NCR2: variants seen among roughly 807,000 people sequenced by gnomAD.
NCR2 encodes NK cell activating receptor (NKp44).
A neutral mutation model predicts 30.7 loss-of-function variants in NCR2; 35 were observed. The observed-to-expected ratio is 1.14, with a 90% confidence interval of 0.87 to 1.51. The LOEUF is 1.51. NCR2 is among the 40% of genes most tolerant of loss of function. The pLI, the probability that NCR2 is intolerant of heterozygous loss-of-function variation, is 0.00. For synonymous variants in NCR2, 146 were observed against 134.8 expected (o/e 1.08, Z -0.58); for missense variants, 316 against 328.9 (o/e 0.96, Z 0.30).
In NCR2 at chr6:41,335,647, C is replaced by T. The variant is rs1297426114; in HGVS notation, c.-230C>T. ...GAGGCCTGGGAAGCTGTGTGCCAGA[C>T]AGCGCCGAGCCCACCAGACCCAGAC... On this transcript the variant is annotated 5_prime_UTR_variant, in exon 1 of 5. Transcript: ENST00000373089. 2 of 566,198 alleles carry T rather than the reference C, an allele frequency of 3.5e-6. No homozygotes were observed. Among genetic ancestry groups the T allele is most frequent in the Admixed American group, 3.0e-5 (1 of 32,810 alleles). 35.1% of individuals were successfully genotyped at this position (566,198 alleles called of 1,614,324 possible).
At chr6:41,337,119 A>G (rs1769051926) in intron 2 of NCR2, among the ~76,000 whole-genome samples, 1 of 152,182 alleles carries the variant, frequency 6.6e-6, no homozygotes, top group African/African-American at 2.4e-5. Flanking sequence ...AGCTACCCAC[A>G]GTTCCTGTGG....
At chr6:41,342,281 G>T in intron 4 of NCR2, 132 bp downstream of exon 4, 1 of 1,262,440 alleles carries the variant, frequency 7.9e-7, no homozygotes. Context: ...CCAAATTAAA[G>T]CCCTCATGGA....
intron 2 of NCR2, among the ~76,000 whole-genome samples, chr6:41,340,301 A>T (rs1308931697): frequency 6.6e-6 from 1 of 152,044 alleles, no homozygotes; most frequent in Non-Finnish European, 1.5e-5. Context: ...AGCTGGGATT[A>T]CAGGCGCCTG....
At chr6:41,337,574 T>C (rs1411779798) in intron 2 of NCR2, among the ~76,000 whole-genome samples, 1 of 152,234 alleles carries the variant, frequency 6.6e-6, no homozygotes, top group African/African-American at 2.4e-5. Context: ...CTGAGAACTA[T>C]TTATGACACC....
rs780251271 is a variant in NCR2, at chr6:41,336,169, G to A, written c.135G>A (p.Thr45=). 1.8e-5 allele frequency: 29 copies of A among 1,614,010 alleles called. No individual in the cohort carries two copies. Among genetic ancestry groups the A allele is most frequent in the East Asian group, 1.8e-4 (8 of 44,882 alleles). Residue 45 remains threonine (T), a synonymous_variant, in exon 2 of 5, where the codon ACG becomes ACA. Transcript: ENST00000373089. ...TLTVRCQYPP[T]GSLYEKKGWC... ...CCGTGAGATGCCAGTACCCGCCCACGGGCAGTCTCTACGAGAAGAAAGGCT... is the reference window on the plus strand; with the variant it reads ...CCGTGAGATGCCAGTACCCGCCCACAGGCAGTCTCTACGAGAAGAAAGGCT...
chr6:41,337,249 A>G (rs1304474195), intron 2 of NCR2, among the ~76,000 whole-genome samples: 1 of 152,252 alleles, frequency 6.6e-6, no homozygotes, highest in Non-Finnish European at 1.5e-5. Flanking sequence ...CCCAACATTT[A>G]TTAAATTTGA....
In NCR2 at chr6:41,349,585, C is replaced by G. The variant is rs150761494; in HGVS notation, c.645-1093C>G. On this transcript the variant is annotated intron_variant, in intron 4 of 4. Transcript: ENST00000373089. ...ATCAATCAAGCTGACATGATGAAGT[C>G]TCTGTAAAAATCACAAAAGTAAGGT... Among the ~76,000 whole-genome samples, 3 of 152,230 alleles carry G rather than the reference C, an allele frequency of 2.0e-5. No individual in the cohort carries two copies. The South Asian group carries it at 6.2e-4, about 32-fold the overall frequency.
chr6:41,336,535 G>A, intron 2 of NCR2, 107 bp downstream of exon 2: 1 of 902,024 alleles, frequency 1.1e-6, no homozygotes, highest in Non-Finnish European at 1.7e-6. Flanking sequence ...CCACGCCCCA[G>A]TCTCCTGGGA....
At position 41,335,994 on chromosome 6, in the gene NCR2, G is replaced by A. The variant is rs554280921; in HGVS notation, c.52+66G>A. On this transcript the variant is annotated intron_variant, in intron 1 of 4. Transcript: ENST00000373089. ...GTGGTGGGGACTGTCAGGACAGCAG[G>A]GTCAGGGAGCAGGTGGCTCTGTGGC... The A allele has an allele frequency of 3.2e-6, 5 of 1,583,976 alleles. No homozygotes were observed. The Admixed American group carries it at 5.3e-5, about 17-fold the overall frequency.
chr6:41,343,083 C>T, intron 4 of NCR2: 1 of 1,397,020 alleles, frequency 7.2e-7, no homozygotes, highest in Non-Finnish European at 9.9e-7. Flanking sequence ...GACTTCTGAC[C>T]TCTGCTGTTA....
chr6:41,348,794 G>T (rs373362765), intron 4 of NCR2, among the ~76,000 whole-genome samples: 1 of 152,128 alleles, frequency 6.6e-6, no homozygotes, highest in East Asian at 1.9e-4. Context: ...AAAAAATGTG[G>T]ATCTCCTGTA....
intron 4 of NCR2, among the ~76,000 whole-genome samples, chr6:41,349,129 A>G (rs1769373186): frequency 6.8e-6 from 1 of 146,636 alleles, no homozygotes. Flanking sequence ...TTTTATTTAT[A>G]TATTTTATAT....
chr6:41,336,058 G>A, intron 1 of NCR2, 29 bp from the exon 2 acceptor site: 1 of 1,604,254 alleles, frequency 6.2e-7, no homozygotes, highest in Non-Finnish European at 8.5e-7. Context: ...GCGTGGCCTT[G>A]ACCTATGCGT....
chr6:41,337,142 TA>T (rs201238959), intron 2 of NCR2, among the ~76,000 whole-genome samples: 16 of 151,082 alleles, frequency 1.1e-4, no homozygotes, highest in South Asian at 2.1e-4. Context: ...GAGGACCTTC[TA>T]AAAAAAAATC....
intron 2 of NCR2, among the ~76,000 whole-genome samples, chr6:41,339,314 G>A (rs949755936): frequency 4.6e-5 from 7 of 151,900 alleles, no homozygotes; most frequent in East Asian, 1.9e-4. Flanking sequence ...CGCCTGACTC[G>A]GCCTCCCAAA....
chr6:41,343,092 T>C (rs923221632), intron 4 of NCR2: 2 of 1,352,602 alleles, frequency 1.5e-6, no homozygotes, highest in Non-Finnish European at 1.0e-6. Context: ...CCTCTGCTGT[T>C]ATCCGCAAAG....
In NCR2 at chr6:41,339,739, G is replaced by T. The variant is rs57168012; in HGVS notation, c.395-2055G>T. 4.9e-3 allele frequency among the ~76,000 whole-genome samples: 749 copies of T among 152,280 alleles called. 5 individuals carry two copies. The highest frequency in any genetic ancestry group is 0.016 in the African/African-American group (667 of 41,556). ...CTGCAAATTTCCCTTTGCCATGGAAGGCAATGTCCTCACAGGTACCTGGGA... is the reference window on the plus strand; with the variant it reads ...CTGCAAATTTCCCTTTGCCATGGAATGCAATGTCCTCACAGGTACCTGGGA... On this transcript the variant is annotated intron_variant, in intron 2 of 4. Coordinates refer to ENST00000373089, the MANE Select transcript of NCR2 (RefSeq NM_004828.4).
At position 41,341,904 on chromosome 6, in the gene NCR2, C is replaced by T; in HGVS notation, c.505C>T (p.Pro169Ser). The change falls in exon 3 of 5, where the codon CCA (proline) becomes TCA (serine). Residue 169 changes from proline to serine, a missense_variant. Transcript: ENST00000373089. ...TAGARQAPESPSTIPVPSQPQ... is the reference protein window; with the variant it reads ...TAGARQAPESSSTIPVPSQPQ... ...AGGAGCCAGACAAGCCCCTGAGTCT[C>T]CATCTACCATCCCTGTCCCTTCACA... 1 of 1,614,098 alleles carries T rather than the reference C, an allele frequency of 6.2e-7. No individual in the cohort carries two copies. Among genetic ancestry groups the T allele is most frequent in the East Asian group, 2.2e-5 (1 of 44,886 alleles).
chr6:41,339,986 A>G (rs1769129906), intron 2 of NCR2, among the ~76,000 whole-genome samples: 2 of 152,170 alleles, frequency 1.3e-5, no homozygotes, highest in African/African-American at 4.8e-5. Flanking sequence ...TAGAATGCTA[A>G]TTAGGTAATC....
Sources: allele counts gnomAD v4.1 joint callset (sites outside exome capture counted in the v4.1 genomes callset), GRCh38; gene constraint gnomAD v4.1.1; transcripts MANE v1.5; gene names NCBI Gene and HGNC (gene_info 2026-07-23, HGNC 2026-07-21).